The following CDHR3 variants were observed in gnomAD, a reference collection of about 807,000 sequenced individuals.
CDHR3 encodes the protein cadherin-related family member 3.
Under a neutral mutation model 86.6 loss-of-function variants are expected in CDHR3, and 79 were observed. The ratio of observed to expected loss-of-function variants is 0.91; its 90% CI spans 0.76 to 1.10. The LOEUF is 1.10. CDHR3 is among the 50% of genes least tolerant of loss of function. CDHR3 has a pLI of 0.00. For synonymous variants in CDHR3, 421 were observed against 402.4 expected (o/e 1.05, Z -0.55); for missense variants, 1,081 against 1,077.6 (o/e 1.00, Z -0.04).
chr7:105,980,526 TA>T (rs1212226292), intron 2 of CDHR3, among the ~76,000 whole-genome samples: 3 of 150,896 alleles, frequency 2.0e-5, no homozygotes, highest in Non-Finnish European at 4.4e-5. Flanking sequence ...TGAGGAAATC[TA>T]ACTATATTCA....
At chr7:106,025,574 G>A (rs1837229260) in intron 15 of CDHR3, among the ~76,000 whole-genome samples, 1 of 152,172 alleles carries the variant, frequency 6.6e-6, no homozygotes, top group East Asian at 1.9e-4. Context: ...AGTATCTTGA[G>A]GTGTTGGAAC....
At chr7:106,015,828 TGCGCAAAGCC>T in intron 10 of CDHR3, 89 bp from the exon 11 acceptor site, 3 of 890,342 alleles carry the variant, frequency 3.4e-6, no homozygotes, top group Non-Finnish European at 5.4e-6. Context: ...GTATCCCCTA[TGCGCAAAGCC>T]TGTACACAGG....
At chr7:106,014,613 C>G (rs770562207) in intron 9 of CDHR3, among the ~76,000 whole-genome samples, 1 of 152,120 alleles carries the variant, frequency 6.6e-6, no homozygotes, top group Non-Finnish European at 1.5e-5. Context: ...GCCTGGGCAA[C>G]AAAGGGGACC....
chr7:105,976,982 CTTTT>C (rs11334460), intron 2 of CDHR3, among the ~76,000 whole-genome samples: 3 of 128,430 alleles, frequency 2.3e-5, no homozygotes, highest in Non-Finnish European at 1.6e-5. Flanking sequence ...TACCTGATCT[CTTTT>C]TTTTTTTTTT....
intron 9 of CDHR3, among the ~76,000 whole-genome samples, chr7:106,014,832 C>G (rs552055050): frequency 2.0e-5 from 3 of 152,160 alleles, no homozygotes; most frequent in African/African-American, 7.2e-5. Context: ...TTTTCTTCAA[C>G]GAATCTGAAG....
chr7:106,000,448 T>C (rs1832966864), intron 6 of CDHR3, among the ~76,000 whole-genome samples: 1 of 152,162 alleles, frequency 6.6e-6, no homozygotes, highest in African/African-American at 2.4e-5. Context: ...ACAGCAGAAA[T>C]ATTCTGAGCT....
intron 7 of CDHR3, among the ~76,000 whole-genome samples, chr7:106,003,133 CAAA>C (rs35573554): frequency 8.0e-5 from 8 of 100,060 alleles, no homozygotes; most frequent in Non-Finnish European, 1.1e-4. Context: ...AAACCTGTCT[CAAA>C]AAAAAAAAAA....
At chr7:106,007,892 A>G (rs1000649822) in intron 8 of CDHR3, among the ~76,000 whole-genome samples, 35 of 152,388 alleles carry the variant, frequency 2.3e-4, no homozygotes, top group Admixed American at 3.9e-4. Context: ...TAATAAAGAC[A>G]TACCCGAGAC....
chr7:106,010,054 G>T (rs1834560878), intron 8 of CDHR3, among the ~76,000 whole-genome samples: 1 of 152,198 alleles, frequency 6.6e-6, no homozygotes, highest in Non-Finnish European at 1.5e-5. Context: ...AAGCAGCCCT[G>T]GAGGGCCAAG....
intron 4 of CDHR3, among the ~76,000 whole-genome samples, chr7:105,988,924 G>T (rs1367397476): frequency 1.3e-5 from 2 of 152,088 alleles, no homozygotes; most frequent in Non-Finnish European, 2.9e-5. Context: ...TCCATACTCG[G>T]TGTCCAAACT....
chr7:105,994,465 A>G (rs1831868994), intron 4 of CDHR3, among the ~76,000 whole-genome samples: 2 of 152,192 alleles, frequency 1.3e-5, no homozygotes, highest in Admixed American at 1.3e-4. Flanking sequence ...TTGGACTCAG[A>G]AGCAGAGCCT....
intron 8 of CDHR3, among the ~76,000 whole-genome samples, chr7:106,009,843 A>C (rs1834519101): frequency 6.6e-6 from 1 of 152,226 alleles, no homozygotes; most frequent in Admixed American, 6.5e-5. Flanking sequence ...GCTGTTTGTG[A>C]GCAAGAGGCG....
At chr7:106,007,674 A>G (rs1834145251) in intron 8 of CDHR3, among the ~76,000 whole-genome samples, 1 of 152,204 alleles carries the variant, frequency 6.6e-6, no homozygotes, top group African/African-American at 2.4e-5. Context: ...TGTCCATATC[A>G]TGAACAGCAT....
intron 3 of CDHR3, among the ~76,000 whole-genome samples, chr7:105,982,478 AAAG>A (rs1209247129): frequency 1.3e-5 from 2 of 149,110 alleles, no homozygotes; most frequent in African/African-American, 2.5e-5. Flanking sequence ...CAAAAAAAAA[AAAG>A]AAAAAAAAAA....
At position 106,032,781 on chromosome 7, in the gene CDHR3, G is replaced by A; in HGVS notation, c.*84G>A. 1.4e-6 allele frequency: 2 copies of A among 1,404,656 alleles called. No individual in the cohort carries two copies. Among genetic ancestry groups the A allele is most frequent in the East Asian group, 2.5e-5 (1 of 40,042 alleles). The allele number at this position is 1,404,656 out of a possible 1,614,324, so 87.0% of individuals were successfully genotyped here. On this transcript the variant is annotated 3_prime_UTR_variant, in exon 19 of 19. Transcript: ENST00000317716. The stretch of plus-strand genomic sequence containing the variant: ...GGGGATGGTGTGGGCATGGTGTAGG[G>A]GGGAAAATGTGGGCTGAGGGGATTC...
intron 8 of CDHR3, among the ~76,000 whole-genome samples, chr7:106,009,205 C>T (rs1272976876): frequency 6.6e-6 from 1 of 152,176 alleles, no homozygotes; most frequent in African/African-American, 2.4e-5. Flanking sequence ...TCTTTGGGCT[C>T]TTCTAGCGGG....
intron 4 of CDHR3, among the ~76,000 whole-genome samples, chr7:105,993,176 G>C (rs901518497): frequency 2.0e-5 from 3 of 152,172 alleles, no homozygotes; most frequent in Non-Finnish European, 4.4e-5. Context: ...CCTCATCCTA[G>C]CAGGAAATAA....
chr7:106,032,861 G>T lies in CDHR3; in HGVS notation c.*164G>T. The T allele has an allele frequency of 3.1e-6, 2 of 641,054 alleles. No individual in the cohort carries two copies. Among genetic ancestry groups the T allele is most frequent in the Admixed American group, 3.0e-5 (1 of 33,144 alleles). The allele number at this position is 641,054 out of a possible 1,614,324, so 39.7% of individuals were successfully genotyped here. A position where few individuals can be genotyped will look rare whatever the true frequency, so the allele number is the denominator to read the frequency against. ...GACAAATTTTTAAACAAATAGAAAG[G>T]GGTTTGATCACATAGTTGCGTGTTC... On this transcript the variant is annotated 3_prime_UTR_variant, in exon 19 of 19. Coordinates refer to ENST00000317716, the MANE Select transcript of CDHR3 (RefSeq NM_152750.5).
chr7:105,964,761 G>A (rs1826603187), intron 1 of CDHR3, among the ~76,000 whole-genome samples: 1 of 151,884 alleles, frequency 6.6e-6, no homozygotes, highest in Non-Finnish European at 1.5e-5. Context: ...TTTCCTCTTC[G>A]ATCTGCTAAT....
Sources: allele counts gnomAD v4.1 joint callset (sites outside exome capture counted in the v4.1 genomes callset), GRCh38; gene constraint gnomAD v4.1.1; transcripts MANE v1.5; gene names NCBI Gene and HGNC (gene_info 2026-07-23, HGNC 2026-07-21).